GNB1: variants seen among roughly 807,000 people sequenced by gnomAD.
GNB1 encodes guanine nucleotide-binding protein G(I)/G(S)/G(T) subunit beta-1.
A neutral mutation model predicts 42.9 loss-of-function variants in GNB1; 2 were observed. The ratio of observed to expected loss-of-function variants is 0.05; its 90% CI spans 0.02 to 0.15. GNB1 has a LOEUF of 0.15. Ranked by LOEUF, GNB1 falls within the 10% of genes least tolerant of loss-of-function variation. The pLI, the probability that GNB1 is intolerant of heterozygous loss-of-function variation, is 1.00. For synonymous variants in GNB1, 183 were observed against 174.7 expected (o/e 1.05, Z -0.38); for missense variants, 193 against 462.2 (o/e 0.42, Z 5.34).
In GNB1 at chr1:1,859,450, G is replaced by A. The variant is rs995483766; in HGVS notation, c.-95-20212C>T. Among the ~76,000 whole-genome samples, 11 of 152,182 alleles carry A rather than the reference G, an allele frequency of 7.2e-5. No individual in the cohort carries two copies. The South Asian group carries it at 1.2e-3, about 17-fold the overall frequency. On this transcript the variant is annotated intron_variant, in intron 1 of 11. Transcript: ENST00000378609. ...AGCCTGTAATCCCAGCACTTTGAGA[G>A]CAGCCTGGGCAACAGAGGGAGATCC... is the stretch of plus-strand genomic sequence containing the variant.
chr1:1,788,712 C>T (rs1646439317), intron 10 of GNB1: 2 of 244,702 alleles, frequency 8.2e-6, no homozygotes, highest in East Asian at 1.5e-4. Context: ...ACTGTAACGG[C>T]ACCCAGAGGT....
intron 1 of GNB1, among the ~76,000 whole-genome samples, chr1:1,872,033 G>A (rs1649277697): frequency 1.4e-5 from 2 of 148,146 alleles, no homozygotes; most frequent in Middle Eastern, 3.4e-3. Flanking sequence ...ACAGGGTCTC[G>A]CTCTGTTGCC....
At chr1:1,817,998 G>A (rs1236982779) in intron 3 of GNB1, 123 bp from the exon 4 acceptor site, 2 of 720,656 alleles carry the variant, frequency 2.8e-6, no homozygotes, top group East Asian at 5.3e-5. Context: ...GAATGTGAAA[G>A]AACGGCAGAG....
chr1:1,810,838 T>C (rs1646766498), intron 5 of GNB1, among the ~76,000 whole-genome samples: 1 of 151,632 alleles, frequency 6.6e-6, no homozygotes, highest in Non-Finnish European at 1.5e-5. Flanking sequence ...TAGTTAACTT[T>C]TGTATTTTTG....
intron 1 of GNB1, among the ~76,000 whole-genome samples, chr1:1,857,625 C>T (rs935889029): frequency 2.0e-5 from 3 of 152,102 alleles, no homozygotes; most frequent in South Asian, 2.1e-4. Context: ...CAAGCAATGA[C>T]GATATCTTTA....
chr1:1,885,945 T>C (rs571054660), intron 1 of GNB1, among the ~76,000 whole-genome samples: 4 of 149,344 alleles, frequency 2.7e-5, no homozygotes, highest in East Asian at 1.9e-4. Context: ...CCAGGAGTAA[T>C]TTCCACTGAT....
intron 1 of GNB1, among the ~76,000 whole-genome samples, chr1:1,846,838 G>A (rs1048929420): frequency 1.3e-5 from 2 of 152,120 alleles, no homozygotes; most frequent in African/African-American, 4.8e-5. Flanking sequence ...CAGATTATAG[G>A]AATGAGCCAC....
intron 2 of GNB1, among the ~76,000 whole-genome samples, chr1:1,828,807 C>G (rs1038096257): frequency 2.0e-5 from 3 of 152,006 alleles, no homozygotes; most frequent in Non-Finnish European, 4.4e-5. Context: ...TTTAGGAGGT[C>G]AAGTCGGGAG....
intron 2 of GNB1, 79 bp from the exon 3 acceptor site, chr1:1,825,578 G>C (rs1420129375): frequency 1.8e-5 from 15 of 819,810 alleles, no homozygotes; most frequent in South Asian, 1.7e-4. Context: ...TAAATTGAAA[G>C]TTTAAGGTGG....
chr1:1,875,583 A>C (rs957053473), intron 1 of GNB1, among the ~76,000 whole-genome samples: 5 of 152,116 alleles, frequency 3.3e-5, no homozygotes, highest in African/African-American at 9.7e-5. Context: ...ATCATAGCTC[A>C]TTGCAGCCTC....
intron 1 of GNB1, among the ~76,000 whole-genome samples, chr1:1,843,619 T>C (rs1352007974): frequency 1.3e-5 from 2 of 152,160 alleles, no homozygotes; most frequent in East Asian, 3.9e-4. Flanking sequence ...CACCTTAGCC[T>C]GGATTCACAT....
intron 6 of GNB1, among the ~76,000 whole-genome samples, chr1:1,805,738 C>T (rs1646687996): frequency 6.6e-6 from 1 of 151,992 alleles, no homozygotes; most frequent in African/African-American, 2.4e-5. Context: ...GACGAGGTTT[C>T]ACCATGTTGG....
intron 1 of GNB1, among the ~76,000 whole-genome samples, chr1:1,875,402 A>G (rs1363456011): frequency 6.6e-6 from 1 of 152,172 alleles, no homozygotes; most frequent in Non-Finnish European, 1.5e-5. Flanking sequence ...CATGTTGGTC[A>G]GGCTGGTCTC....
chr1:1,850,259 T>G (rs1007620714), intron 1 of GNB1, among the ~76,000 whole-genome samples: 1 of 151,956 alleles, frequency 6.6e-6, no homozygotes, highest in Non-Finnish European at 1.5e-5. Flanking sequence ...ACCTCTCGAG[T>G]AGCTGGGATT....
intron 7 of GNB1, among the ~76,000 whole-genome samples, chr1:1,801,220 G>T (rs1315141930): frequency 6.6e-6 from 1 of 152,174 alleles, no homozygotes; most frequent in East Asian, 1.9e-4. Flanking sequence ...TAGACACGGG[G>T]TTTCGTCATG....
At chr1:1,874,089 G>A (rs927795818) in intron 1 of GNB1, among the ~76,000 whole-genome samples, 3 of 152,202 alleles carry the variant, frequency 2.0e-5, no homozygotes, top group Non-Finnish European at 4.4e-5. Flanking sequence ...AACAAATGCT[G>A]GCAGCAGCCT....
chr1:1,792,674 G>A (rs1646496869), intron 8 of GNB1, among the ~76,000 whole-genome samples: 2 of 139,882 alleles, frequency 1.4e-5, no homozygotes, highest in African/African-American at 5.5e-5. Flanking sequence ...CTCTAGCCTG[G>A]AGACAGAGAG....
chr1:1,819,388 A>C (rs1646900458), intron 3 of GNB1, among the ~76,000 whole-genome samples: 3 of 151,882 alleles, frequency 2.0e-5, no homozygotes, highest in South Asian at 4.2e-4. Flanking sequence ...ACACCGGCTA[A>C]TTTAGTATTT....
chr1:1,816,010 T>C (rs1027650068), intron 4 of GNB1, 148 bp from the exon 5 acceptor site: 12 of 646,572 alleles, frequency 1.9e-5, no homozygotes, highest in Admixed American at 9.1e-5. Context: ...CACTGTGGCA[T>C]TCTGCACTGA....
Sources: gnomAD v4.1 joint callset for allele counts (sites outside exome capture counted in the v4.1 genomes callset) on GRCh38, gnomAD v4.1.1 for gene constraint, MANE v1.5 for transcripts, NCBI Gene and HGNC (gene_info 2026-07-23, HGNC 2026-07-21) for gene names.